Variants in CD96 observed in about 807,000 individuals in gnomAD.
The protein encoded by CD96 is T-cell surface protein tactile.
Under a neutral mutation model 71.3 loss-of-function variants are expected in CD96, and 70 were observed. The observed-to-expected ratio is 0.98, with a 90% CI of 0.81 to 1.20. The LOEUF is 1.20. Ranked by LOEUF, CD96 falls within the 50% of genes most tolerant of loss-of-function variation. CD96 has a pLI of 0.00. For synonymous variants in CD96, 248 were observed against 233.0 expected (o/e 1.06, Z -0.59); for missense variants, 742 against 677.5 (o/e 1.10, Z -1.06).
At chr3:111,566,615 C>T (rs1935724697) in intron 2 of CD96, among the ~76,000 whole-genome samples, 1 of 151,956 alleles carries the variant, frequency 6.6e-6, no homozygotes, top group East Asian at 1.9e-4. Context: ...GGTAGAGTTG[C>T]CTTTATTTGT....
intron 2 of CD96, among the ~76,000 whole-genome samples, chr3:111,546,412 T>C (rs1245950332): frequency 6.6e-6 from 1 of 152,150 alleles, no homozygotes; most frequent in Non-Finnish European, 1.5e-5. Flanking sequence ...CAAACATACT[T>C]TGGAGGCCTG....
Position 111,642,195 on chromosome 3 carries a change from A to G in CD96, c.1477+4027A>G, listed in dbSNP as rs187058963. Among the ~76,000 whole-genome samples, 17 of 152,348 alleles carry G rather than the reference A, an allele frequency of 1.1e-4. 1 individual carries two copies. Among genetic ancestry groups the G allele is most frequent in the Admixed American group, 1.1e-3 (17 of 15,302 alleles). On this transcript the variant is annotated intron_variant, in intron 12 of 13. Transcript: ENST00000352690. The stretch of plus-strand genomic sequence containing the variant: ...ACAACAACAAAAATGCAAAAGATAA[A>G]TGAAACAAAAACTAGTTCTTTGAAA...
chr3:111,639,450 C>T (rs1041917846), intron 12 of CD96, among the ~76,000 whole-genome samples: 4 of 152,290 alleles, frequency 2.6e-5, no homozygotes, highest in African/African-American at 9.6e-5. Context: ...AATCTCACCC[C>T]CATCCCCAAC....
At chr3:111,574,854 C>A (rs972015325) in intron 3 of CD96, among the ~76,000 whole-genome samples, 2 of 151,736 alleles carry the variant, frequency 1.3e-5, no homozygotes, top group Non-Finnish European at 2.9e-5. Flanking sequence ...ATAATCTTGG[C>A]TCACTGCAGC....
intron 12 of CD96, among the ~76,000 whole-genome samples, chr3:111,644,783 T>C (rs530550774): frequency 6.6e-6 from 1 of 152,206 alleles, no homozygotes; most frequent in Non-Finnish European, 1.5e-5. Context: ...ACATCACTAA[T>C]AATCAGGGAA....
chr3:111,543,965 G>A (rs1934247487), intron 1 of CD96, among the ~76,000 whole-genome samples: 1 of 152,126 alleles, frequency 6.6e-6, no homozygotes, highest in Non-Finnish European at 1.5e-5. Context: ...GCCATTTTGG[G>A]CATGAGTCTG....
intron 11 of CD96, among the ~76,000 whole-genome samples, 173 bp from the exon 12 acceptor site, chr3:111,637,906 G>A (rs1939411625): frequency 6.6e-6 from 1 of 151,384 alleles, no homozygotes. Flanking sequence ...ACAAATCTCA[G>A]GATCCCAGCC....
chr3:111,643,255 A>G (rs529883300), intron 12 of CD96, among the ~76,000 whole-genome samples: 27 of 151,484 alleles, frequency 1.8e-4, no homozygotes, highest in Middle Eastern at 3.4e-3. Flanking sequence ...CAATTGATAC[A>G]AAAAAAAATT....
chr3:111,604,199 C>G (rs1178857204), intron 7 of CD96, among the ~76,000 whole-genome samples: 1 of 152,140 alleles, frequency 6.6e-6, no homozygotes, highest in Non-Finnish European at 1.5e-5. Context: ...CCCTATGGGA[C>G]AGACCCATGG....
At position 111,600,728 on chromosome 3, in the gene CD96, A is replaced by T. The variant is rs1348888214; in HGVS notation, c.901A>T (p.Ile301Leu). Reference sequence around the variant, plus strand: ...CCATGTTCGTATCTGTCTGGCAGGAATATATATTACTAATGAAGAGAGAAA... The same window carrying T: ...CCATGTTCGTATCTGTCTGGCAGGATTATATATTACTAATGAAGAGAGAAA... ...GSFLHDEKEGIYITNEERKGK... is the reference protein window; with the variant it reads ...GSFLHDEKEGLYITNEERKGK... The change falls in exon 7 of 14, where the codon ATA becomes TTA. Residue 301 changes from isoleucine to leucine, a missense_variant and splice_region_variant. By Grantham distance (5) the Ile-to-Leu change is conservative. Coordinates refer to ENST00000352690, the MANE Select transcript of CD96 (RefSeq NM_005816.5). 6.2e-7 allele frequency: 1 copy of T among 1,606,932 alleles called. No individual in the cohort carries two copies. The highest frequency in any genetic ancestry group is 8.5e-7 in the Non-Finnish European group (1 of 1,173,638).
downstream of CD96, among the ~76,000 whole-genome samples, chr3:111,655,053 T>C (rs1028938212): frequency 6.6e-6 from 1 of 152,228 alleles, no homozygotes; most frequent in Admixed American, 6.5e-5. Flanking sequence ...GAGAATTCCA[T>C]CTATGGTAGA....
chr3:111,621,075 G>A (rs1392124500), intron 8 of CD96, among the ~76,000 whole-genome samples: 1 of 152,216 alleles, frequency 6.6e-6, no homozygotes, highest in African/African-American at 2.4e-5. Context: ...AGCACCCAGT[G>A]TGGGCAACCA....
chr3:111,577,226 T>C (rs1055999520), intron 3 of CD96, among the ~76,000 whole-genome samples: 2 of 152,242 alleles, frequency 1.3e-5, no homozygotes, highest in African/African-American at 4.8e-5. Flanking sequence ...TTGATGGAAC[T>C]GTTCCAAATG....
chr3:111,637,079 AT>A (rs1939363905), intron 10 of CD96, 116 bp from the exon 11 acceptor site: 1 of 709,294 alleles, frequency 1.4e-6, no homozygotes, highest in Admixed American at 2.0e-5. Context: ...CAGTTTAATG[AT>A]TTTGCTTTAT....
chr3:111,563,394 G>C (rs1156401601), intron 2 of CD96, among the ~76,000 whole-genome samples: 2 of 152,218 alleles, frequency 1.3e-5, no homozygotes, highest in African/African-American at 4.8e-5. Context: ...AAAAGCTGCT[G>C]GTTTTTGCAA....
At chr3:111,561,702 G>GTGGAGC (rs1935422914) in intron 2 of CD96, among the ~76,000 whole-genome samples, 1 of 140,784 alleles carries the variant, frequency 7.1e-6, no homozygotes, top group East Asian at 2.1e-4. Flanking sequence ...GCCTACAGAG[G>GTGGAGC]CAGGCAGGCC....
At chr3:111,594,200 A>G in intron 5 of CD96, 1 of 1,589,028 alleles carries the variant, frequency 6.3e-7, no homozygotes, top group Non-Finnish European at 8.6e-7. Flanking sequence ...CCGCCTCATC[A>G]TGTCACCTCT....
chr3:111,582,488 G>C (rs188494754), intron 4 of CD96, among the ~76,000 whole-genome samples: 2 of 152,250 alleles, frequency 1.3e-5, no homozygotes, highest in Admixed American at 6.5e-5. Flanking sequence ...ATTTCCTAGT[G>C]CCAAGCAACC....
At chr3:111,613,876 C>A (rs1271113575) in intron 8 of CD96, among the ~76,000 whole-genome samples, 1 of 152,226 alleles carries the variant, frequency 6.6e-6, no homozygotes, top group East Asian at 1.9e-4. Context: ...TTGAAACTTA[C>A]AAATAACTTT....
Sources: allele counts gnomAD v4.1 joint callset (sites outside exome capture counted in the v4.1 genomes callset), GRCh38; gene constraint gnomAD v4.1.1; transcripts MANE v1.5; gene names NCBI Gene and HGNC (gene_info 2026-07-23, HGNC 2026-07-21).